Variants in SLC1A2 observed in about 807,000 individuals in gnomAD.
SLC1A2 encodes solute carrier family 1 member 2.
A neutral mutation model predicts 48.8 loss-of-function variants in SLC1A2; 15 were observed. The ratio of observed to expected loss-of-function variants is 0.31; its 90% confidence interval spans 0.21 to 0.47. The LOEUF is 0.47. Among genes scored for constraint, SLC1A2 ranks in the 20% least tolerant of loss-of-function variants. SLC1A2 has a pLI of 0.99. For synonymous variants in SLC1A2, 279 were observed against 272.6 expected (o/e 1.02, Z -0.23); for missense variants, 502 against 730.5 (o/e 0.69, Z 3.61).
chr11:35,256,714 G>A lies in SLC1A2; in HGVS notation c.*4180C>T, dbSNP rs1950319119. 1 of 151,710 alleles carries A rather than the reference G, an allele frequency of 6.6e-6. No individual in the cohort carries two copies. Among genetic ancestry groups the A allele is most frequent in the African/African-American group, 2.4e-5 (1 of 41,256 alleles). 9.4% of individuals were successfully genotyped at this position (151,710 alleles called of 1,614,324 possible). A position where few individuals can be genotyped will look rare whatever the true frequency, so the allele number is the denominator to read the frequency against. On this transcript the variant is annotated 3_prime_UTR_variant, in exon 11 of 11. Transcript: ENST00000278379. ...AAAATTTCATTTGGTCCTTTTTCTTGGTTTGGAATGAGTTCAGTTGGAGAA... is the reference window on the plus strand; with the variant it reads ...AAAATTTCATTTGGTCCTTTTTCTTAGTTTGGAATGAGTTCAGTTGGAGAA...
At chr11:35,346,467 G>A (rs1218448636) in intron 1 of SLC1A2, among the ~76,000 whole-genome samples, 2 of 152,218 alleles carry the variant, frequency 1.3e-5, no homozygotes, top group African/African-American at 2.4e-5. Context: ...TGAGCATCTG[G>A]CATACCCAGG....
At chr11:35,318,345 T>A (rs961635223) in intron 1 of SLC1A2, among the ~76,000 whole-genome samples, 1 of 152,204 alleles carries the variant, frequency 6.6e-6, no homozygotes, top group African/African-American at 2.4e-5. Flanking sequence ...AGATTCCAGA[T>A]GTAAGCTTGG....
At chr11:35,415,240 A>C (rs959223442) in intron 1 of SLC1A2, among the ~76,000 whole-genome samples, 1 of 152,266 alleles carries the variant, frequency 6.6e-6, no homozygotes, top group African/African-American at 2.4e-5. Flanking sequence ...GAAGAGGAAA[A>C]GAAGTGGCCA....
At chr11:35,418,752 A>G (rs1855689202) in intron 1 of SLC1A2, 198 bp downstream of exon 1, 2 of 581,492 alleles carry the variant, frequency 3.4e-6, no homozygotes, top group East Asian at 3.1e-5. Context: ...CACCTCTCGC[A>G]TTTTCAAAGG....
chr11:35,363,539 C>G (rs569776660), intron 1 of SLC1A2, among the ~76,000 whole-genome samples: 1 of 152,180 alleles, frequency 6.6e-6, no homozygotes, highest in Non-Finnish European at 1.5e-5. Flanking sequence ...GATACAAGTT[C>G]CCCCAGGGAC....
intron 1 of SLC1A2, among the ~76,000 whole-genome samples, chr11:35,396,734 G>A (rs1590272024): frequency 6.6e-6 from 1 of 151,688 alleles, no homozygotes; most frequent in South Asian, 2.1e-4. Context: ...TTGGTGTTTT[G>A]GACATGAAGT....
rs915233307 is a variant in SLC1A2, at chr11:35,349,529, G to A, written c.18-32013C>T. 3.7e-4 allele frequency among the ~76,000 whole-genome samples: 56 copies of A among 152,070 alleles called. 1 individual carries two copies. The highest frequency in any genetic ancestry group is 1.9e-4 in the East Asian group (1 of 5,190). On this transcript the variant is annotated intron_variant, in intron 1 of 10. Transcript: ENST00000278379. ...CTTCCTCTGCCTTTTACTCCCTTCC[G>A]TTAGTGAGAAAATAAAGAGAGAGAA...
At position 35,281,553 on chromosome 11, in the gene SLC1A2, G is replaced by A. The variant is rs1045149054; in HGVS notation, c.1287-552C>T. On this transcript the variant is annotated intron_variant, in intron 8 of 10. Transcript: ENST00000278379. ...CAACAGATTCCAAATGACACTAAGC[G>A]TCAGGCGCCTGGATGCCTCACCATG... Among the ~76,000 whole-genome samples, 17 of 152,292 alleles carry A rather than the reference G, an allele frequency of 1.1e-4. No individual in the cohort carries two copies. In the East Asian group the frequency reaches 1.4e-3, roughly 12 times the overall value.
At chr11:35,274,568 T>C (rs1488422563) in intron 9 of SLC1A2, among the ~76,000 whole-genome samples, 1 of 152,176 alleles carries the variant, frequency 6.6e-6, no homozygotes, top group Admixed American at 6.5e-5. Context: ...AGTTTGTGTG[T>C]GTGTGTGTGT....
At chr11:35,346,616 C>T (rs1018149953) in intron 1 of SLC1A2, among the ~76,000 whole-genome samples, 3 of 152,202 alleles carry the variant, frequency 2.0e-5, no homozygotes, top group Admixed American at 6.5e-5. Flanking sequence ...GGCAGGTTCA[C>T]GTCATATACG....
At chr11:35,393,393 C>A (rs1417859687) in intron 1 of SLC1A2, among the ~76,000 whole-genome samples, 3 of 152,184 alleles carry the variant, frequency 2.0e-5, no homozygotes, top group Non-Finnish European at 2.9e-5. Context: ...CTAAAGCTGC[C>A]ACTTTGAAGA....
upstream of SLC1A2, among the ~76,000 whole-genome samples, chr11:35,420,314 G>A (rs991701257): frequency 3.3e-5 from 5 of 151,976 alleles, no homozygotes; most frequent in Non-Finnish European, 7.4e-5. Context: ...TTGTGCAAGG[G>A]AGAGTTCGAG....
At chr11:35,262,849 C>T (rs915534796) in intron 10 of SLC1A2, among the ~76,000 whole-genome samples, 11 of 152,208 alleles carry the variant, frequency 7.2e-5, no homozygotes, top group African/African-American at 2.7e-4. Context: ...ACCTGCTCAG[C>T]TTGACCACTG....
At chr11:35,375,528 G>A (rs1854196498) in intron 1 of SLC1A2, among the ~76,000 whole-genome samples, 1 of 152,240 alleles carries the variant, frequency 6.6e-6, no homozygotes, top group Non-Finnish European at 1.5e-5. Flanking sequence ...CTGGTGAGCT[G>A]AGCACAGCAG....
At chr11:35,374,364 T>C in intron 1 of SLC1A2, 1 of 826,870 alleles carries the variant, frequency 1.2e-6, no homozygotes, top group Non-Finnish European at 2.0e-6. Flanking sequence ...CGATGTGTTG[T>C]TGGAGAATTA....
intron 1 of SLC1A2, among the ~76,000 whole-genome samples, chr11:35,352,586 G>A (rs565611377): frequency 5.9e-5 from 9 of 152,186 alleles, no homozygotes; most frequent in Non-Finnish European, 1.3e-4. Flanking sequence ...AAGCAGTAAG[G>A]CCCCAGTTCC....
chr11:35,385,884 T>G (rs1172499340), intron 1 of SLC1A2, among the ~76,000 whole-genome samples: 1 of 152,132 alleles, frequency 6.6e-6, no homozygotes, highest in Non-Finnish European at 1.5e-5. Flanking sequence ...ATAATGACAG[T>G]TGGCCCGGCG....
At chr11:35,341,587 C>T (rs1157770898) in intron 1 of SLC1A2, among the ~76,000 whole-genome samples, 1 of 152,164 alleles carries the variant, frequency 6.6e-6, no homozygotes, top group Non-Finnish European at 1.5e-5. Context: ...AGTGAAAACA[C>T]CAATTTTTGC....
chr11:35,401,420 A>C (rs577776622), intron 1 of SLC1A2, among the ~76,000 whole-genome samples: 1 of 152,202 alleles, frequency 6.6e-6, no homozygotes, highest in Non-Finnish European at 1.5e-5. Flanking sequence ...ATTGCTACAA[A>C]GAGTCTTTTT....
Sources: allele counts gnomAD v4.1 joint callset (sites outside exome capture counted in the v4.1 genomes callset), GRCh38; gene constraint gnomAD v4.1.1; transcripts MANE v1.5; gene names NCBI Gene and HGNC (gene_info 2026-07-23, HGNC 2026-07-21).